RTTN: variants seen among roughly 807,000 people sequenced by gnomAD.
RTTN encodes the protein rotatin.
A neutral mutation model predicts 269.2 loss-of-function variants in RTTN; 182 were observed. The observed-to-expected ratio is 0.68, with a 90% CI of 0.60 to 0.76. The LOEUF is 0.76. RTTN is among the 30% of genes least tolerant of loss of function. RTTN has a pLI of 0.00. For missense variants in RTTN, 2,545 were observed against 2,608.6 expected, an observed-to-expected ratio of 0.98 and a Z score of 0.53; for synonymous variants, 1,006 against 963.5, an observed-to-expected ratio of 1.04 and a Z score of -0.82.
chr18:70,017,554 G>T lies in RTTN; in HGVS notation c.6274C>A (p.Gln2092Lys). The change falls in exon 46 of 49, where the codon CAA (glutamine) becomes AAA (lysine). Residue 2092 changes from glutamine (Q) to lysine (K), a missense_variant. Transcript: ENST00000640769. ...LLNISSGEDG[Q>K]QMILRLDGCL... ...CCATCAAGCCTCAGAATCATTTGTT[G>T]CCCATCTTCTCCAGATGATATATTC... 1 of 1,614,012 alleles carries T rather than the reference G, an allele frequency of 6.2e-7. No homozygotes were observed. Among genetic ancestry groups the T allele is most frequent in the Non-Finnish European group, 8.5e-7 (1 of 1,179,974 alleles).
intron 43 of RTTN, 115 bp from the exon 44 acceptor site, chr18:70,024,963 G>C: frequency 8.4e-7 from 1 of 1,193,512 alleles, no homozygotes. Flanking sequence ...CCCTGTGGAT[G>C]GCTTCAGCAT....
At chr18:70,074,067 T>C in intron 33 of RTTN, 73 bp from the exon 34 acceptor site, 1 of 1,049,596 alleles carries the variant, frequency 9.5e-7, no homozygotes, top group Non-Finnish European at 1.4e-6. Context: ...AGGGTACGCA[T>C]TACAGGAAAC....
intron 21 of RTTN, among the ~76,000 whole-genome samples, chr18:70,139,394 T>C (rs1307068372): frequency 6.6e-6 from 1 of 152,222 alleles, no homozygotes; most frequent in Non-Finnish European, 1.5e-5. Context: ...TCAGCTTTTC[T>C]CAGCTCTAGC....
intron 23 of RTTN, chr18:70,128,795 G>A: frequency 5.6e-6 from 2 of 354,422 alleles, no homozygotes; most frequent in Non-Finnish European, 1.0e-5. Context: ...CTATATTAGA[G>A]TTGTTGTGGA....
At chr18:70,013,603 A>G (rs1008803427) in intron 46 of RTTN, among the ~76,000 whole-genome samples, 1 of 152,244 alleles carries the variant, frequency 6.6e-6, no homozygotes, top group Non-Finnish European at 1.5e-5. Flanking sequence ...AATATACAGT[A>G]GTAAAATGTA....
intron 36 of RTTN, among the ~76,000 whole-genome samples, chr18:70,059,293 T>G (rs560252477): frequency 2.0e-5 from 3 of 152,320 alleles, no homozygotes; most frequent in Non-Finnish European, 2.9e-5. Context: ...CTACTATACC[T>G]TCCTAGAAAT....
rs538855473 is a variant in RTTN, at chr18:70,168,906, G to A, written c.1638C>T (p.Ala546=). 1.5e-5 allele frequency: 24 copies of A among 1,612,918 alleles called. No homozygotes were observed. In the East Asian group the frequency reaches 2.7e-4, roughly 18 times the overall value. Residue 546 remains alanine (A), a synonymous_variant, in exon 12 of 49, where the codon GCC becomes GCT. Coordinates refer to ENST00000640769, the MANE Select transcript of RTTN (RefSeq NM_173630.4). ...TACAGGTGCATTCAATTGAATAAACGGCCTCTGCAGTTCGTTTATAAATAC... is the reference window on the plus strand; with the variant it reads ...TACAGGTGCATTCAATTGAATAAACAGCCTCTGCAGTTCGTTTATAAATAC... ...NYSIYKRTAE[A]VYSIECTCNF... is the part of the protein sequence containing the mutation.
chr18:70,148,209 A>G (rs2060445894), intron 17 of RTTN, among the ~76,000 whole-genome samples: 1 of 152,080 alleles, frequency 6.6e-6, no homozygotes, highest in African/African-American at 2.4e-5. Context: ...TTTTCAACCA[A>G]CTATTCCTCT....
chr18:70,024,784 TC>T lies in RTTN; in HGVS notation c.5887del (p.Asp1963MetfsTer4). The T allele has an allele frequency of 6.2e-7, 1 of 1,613,866 alleles. No homozygotes were observed. The highest frequency in any genetic ancestry group is 1.3e-5 in the African/African-American group (1 of 75,034). The part of the protein sequence containing the change: ...LHSLWPWILM[D>X]DSLMQISLQL... Reference sequence around the variant, plus strand: ...CAGAGAAATTTGCATCAATGAATCATCCATCAAAATCCAAGGCCAGAGAGAG... The same window carrying T: ...CAGAGAAATTTGCATCAATGAATCATCATCAAAATCCAAGGCCAGAGAGAG... On this transcript the variant is annotated frameshift_variant, in exon 44 of 49. Coordinates refer to ENST00000640769, the MANE Select transcript of RTTN (RefSeq NM_173630.4). LOFTEE classifies it high-confidence loss of function.
intron 21 of RTTN, chr18:70,138,865 GCA>G (rs1204643877): frequency 6.6e-6 from 1 of 152,052 alleles, no homozygotes; most frequent in East Asian, 1.9e-4. Context: ...ACAAGATGAA[GCA>G]CATTCAGATG....
At position 70,166,982 on chromosome 18, in the gene RTTN, C is replaced by T. The variant is rs745392772; in HGVS notation, c.1739G>A (p.Arg580His). The T allele has an allele frequency of 9.9e-6, 16 of 1,613,646 alleles. No individual in the cohort carries two copies. The highest frequency in any genetic ancestry group is 4.0e-5 in the African/African-American group (3 of 74,910). Residue 580 changes from arginine to histidine, a missense_variant, in exon 13 of 49, where the codon CGT becomes CAT. By Grantham distance (29) the Arg-to-His change is conservative. Transcript: ENST00000640769. ...GAAATGCTGATGATAGGAAAAGCTACGCAAGGCTTGGTCTGCCAGCTCCAC... is the reference window on the plus strand; with the variant it reads ...GAAATGCTGATGATAGGAAAAGCTATGCAAGGCTTGGTCTGCCAGCTCCAC... ...ELVELADQAL[R>H]SFSYHQHFPL...
chr18:70,060,173 G>T, intron 35 of RTTN, 131 bp from the exon 36 acceptor site: 2 of 837,082 alleles, frequency 2.4e-6, no homozygotes, highest in Non-Finnish European at 1.8e-6. Context: ...TAGCTTCTTG[G>T]CTCATCTTAA....
intron 37 of RTTN, among the ~76,000 whole-genome samples, chr18:70,054,768 G>A (rs2057769871): frequency 6.6e-6 from 1 of 152,036 alleles, no homozygotes; most frequent in African/African-American, 2.4e-5. Flanking sequence ...ATAGTGAGCT[G>A]TGATCACACC....
intron 32 of RTTN, among the ~76,000 whole-genome samples, chr18:70,081,413 A>C (rs2058564437): frequency 6.6e-6 from 1 of 152,220 alleles, no homozygotes; most frequent in Non-Finnish European, 1.5e-5. Context: ...ACCTCCTTCC[A>C]AAAGAAAAAA....
intron 14 of RTTN, among the ~76,000 whole-genome samples, chr18:70,161,376 T>A (rs766833889): frequency 6.6e-6 from 1 of 152,012 alleles, no homozygotes; most frequent in Non-Finnish European, 1.5e-5. Context: ...AATGTAAGAC[T>A]TAAAACTATA....
intron 28 of RTTN, among the ~76,000 whole-genome samples, chr18:70,093,981 T>C (rs560192896): frequency 2.0e-5 from 3 of 152,324 alleles, no homozygotes; most frequent in East Asian, 1.9e-4. Context: ...GAGCCTGTTA[T>C]TGGTCTATTC....
chr18:70,203,011 G>A (rs1449860041), intron 3 of RTTN, among the ~76,000 whole-genome samples: 2 of 148,244 alleles, frequency 1.3e-5, no homozygotes, highest in African/African-American at 2.5e-5. Context: ...CACATAAATT[G>A]CATGAAGATG....
At chr18:70,094,668 T>C (rs1298563141) in intron 28 of RTTN, among the ~76,000 whole-genome samples, 1 of 152,190 alleles carries the variant, frequency 6.6e-6, no homozygotes, top group Non-Finnish European at 1.5e-5. Context: ...ATGATTTCCA[T>C]TCTTTTGAGT....
intron 46 of RTTN, among the ~76,000 whole-genome samples, chr18:70,014,398 T>G (rs2056480237): frequency 6.6e-6 from 1 of 152,226 alleles, no homozygotes; most frequent in South Asian, 2.1e-4. Flanking sequence ...AGCTGGTATT[T>G]TTATTCTTCT....
Sources: allele counts gnomAD v4.1 joint callset (sites outside exome capture counted in the v4.1 genomes callset), GRCh38; gene constraint gnomAD v4.1.1; transcripts MANE v1.5; gene names NCBI Gene and HGNC (gene_info 2026-07-23, HGNC 2026-07-21).